Variants in CPNE5 observed in about 807,000 individuals in gnomAD.
The protein encoded by CPNE5 is copine 5, also known as copine-5.
Under a neutral mutation model 81.1 loss-of-function variants are expected in CPNE5, and 42 were observed. The observed-to-expected ratio is 0.52, with a 90% CI of 0.40 to 0.67. The LOEUF (loss-of-function observed/expected upper bound fraction) is 0.67, where lower values mean the gene tolerates loss of function less well. CPNE5 is among the 30% of genes least tolerant of loss of function. The pLI, the probability that CPNE5 is intolerant of heterozygous loss-of-function variation, is 0.00. For synonymous variants in CPNE5, 313 were observed against 321.5 expected (o/e 0.97, Z 0.28); for missense variants, 612 against 815.5 (o/e 0.75, Z 3.04).
chr6:36,812,941 T>A (rs1771228382), intron 3 of CPNE5, among the ~76,000 whole-genome samples: 2 of 152,210 alleles, frequency 1.3e-5, no homozygotes, highest in African/African-American at 4.8e-5. Context: ...GTCCACTCAT[T>A]CCTTTGTATC....
chr6:36,785,364 T>A (rs555253346), intron 8 of CPNE5, among the ~76,000 whole-genome samples: 38 of 152,222 alleles, frequency 2.5e-4, no homozygotes, highest in Admixed American at 9.2e-4. Flanking sequence ...ATCAAAAAAT[T>A]TTTTTTAATG....
At chr6:36,823,215 A>G (rs1772215229) in intron 1 of CPNE5, 117 bp from the exon 2 acceptor site, 2 of 764,674 alleles carry the variant, frequency 2.6e-6, no homozygotes, top group Non-Finnish European at 4.0e-6. Context: ...CAGGCAAAAC[A>G]GTTCCACAAT....
At chr6:36,806,883 T>C (rs1770644719) in intron 3 of CPNE5, among the ~76,000 whole-genome samples, 2 of 152,200 alleles carry the variant, frequency 1.3e-5, no homozygotes, top group African/African-American at 4.8e-5. Context: ...CTTAAGGGCT[T>C]CATTGGGGGC....
At chr6:36,755,781 A>C in intron 13 of CPNE5, 1 of 163,570 alleles carries the variant, frequency 6.1e-6, no homozygotes, top group Non-Finnish European at 1.3e-5. Context: ...CTCTGGAGTG[A>C]GATGTCATGT....
At chr6:36,765,691 T>A (rs1766500063) in intron 10 of CPNE5, among the ~76,000 whole-genome samples, 1 of 152,212 alleles carries the variant, frequency 6.6e-6, no homozygotes, top group Admixed American at 6.5e-5. Context: ...AAGCTCAGCA[T>A]GGAGCTGCAC....
intron 6 of CPNE5, among the ~76,000 whole-genome samples, chr6:36,797,003 C>T (rs1769643625): frequency 6.6e-6 from 1 of 152,160 alleles, no homozygotes; most frequent in Non-Finnish European, 1.5e-5. Context: ...CTCCTGGGTT[C>T]AAGTGATTCT....
At chr6:36,812,906 G>A (rs773501599) in intron 3 of CPNE5, among the ~76,000 whole-genome samples, 5 of 152,178 alleles carry the variant, frequency 3.3e-5, no homozygotes, top group Admixed American at 6.5e-5. Flanking sequence ...CCTGCCTTCC[G>A]CTTTGTGCCT....
chr6:36,774,684 G>A (rs1369153529), intron 10 of CPNE5, among the ~76,000 whole-genome samples: 1 of 152,242 alleles, frequency 6.6e-6, no homozygotes, highest in Non-Finnish European at 1.5e-5. Flanking sequence ...TTTCCCACCA[G>A]TGGGGATGCC....
rs755972321 is a variant in CPNE5, at chr6:36,811,197, G to T, written c.183+10917C>A. ...AGCCCCGGGTCTGACTGTAGAGGGTGGGGGGCCTGAGCAGTCCCCACCCTA... is the reference window on the plus strand; with the variant it reads ...AGCCCCGGGTCTGACTGTAGAGGGTTGGGGGCCTGAGCAGTCCCCACCCTA... On this transcript the variant is annotated intron_variant, in intron 3 of 20. Coordinates refer to ENST00000244751, the MANE Select transcript of CPNE5 (RefSeq NM_020939.2). Among the ~76,000 whole-genome samples, 8 of 152,196 alleles carry T rather than the reference G, an allele frequency of 5.3e-5. No homozygotes were observed. In the South Asian group the frequency reaches 8.3e-4, roughly 16 times the overall value.
intron 20 of CPNE5, chr6:36,743,078 A>C (rs1310811615): frequency 2.0e-6 from 2 of 985,116 alleles, no homozygotes; most frequent in Non-Finnish European, 2.4e-6. Flanking sequence ...TGGTCTCCAC[A>C]CCTGGGATAC....
chr6:36,807,455 G>A lies in CPNE5; in HGVS notation c.184-7385C>T, dbSNP rs543501482. Among the ~76,000 whole-genome samples, 11 of 152,268 alleles carry A rather than the reference G, an allele frequency of 7.2e-5. No homozygotes were observed. The East Asian group carries it at 1.9e-3, about 27-fold the overall frequency. ...TAGAAGAGAGCCTGGGACATAAAAC[G>A]TGCTCTGTACGTAAGTGATCCCACA... On this transcript the variant is annotated intron_variant, in intron 3 of 20. Coordinates refer to ENST00000244751, the MANE Select transcript of CPNE5 (RefSeq NM_020939.2).
At chr6:36,787,442 T>A (rs1020789649) in intron 8 of CPNE5, among the ~76,000 whole-genome samples, 1 of 151,964 alleles carries the variant, frequency 6.6e-6, no homozygotes, top group Non-Finnish European at 1.5e-5. Context: ...ATTCCCCAGG[T>A]AACTGGAAGG....
chr6:36,823,616 G>A (rs1246036571), intron 1 of CPNE5, among the ~76,000 whole-genome samples: 1 of 152,138 alleles, frequency 6.6e-6, no homozygotes, highest in East Asian at 1.9e-4. Context: ...TTTGGACAAG[G>A]TCCTTCTGTG....
At chr6:36,815,941 G>A (rs996471935) in intron 3 of CPNE5, among the ~76,000 whole-genome samples, 4 of 152,242 alleles carry the variant, frequency 2.6e-5, no homozygotes, top group Non-Finnish European at 5.9e-5. Flanking sequence ...CAAGACAGCT[G>A]CCTGGTGAGG....
chr6:36,812,022 T>C (rs981956097), intron 3 of CPNE5, among the ~76,000 whole-genome samples: 18 of 152,152 alleles, frequency 1.2e-4, no homozygotes, highest in African/African-American at 4.3e-4. Context: ...GAGAATTGCT[T>C]GGACCCAGGA....
intron 8 of CPNE5, among the ~76,000 whole-genome samples, chr6:36,780,205 C>T (rs942076053): frequency 7.9e-5 from 12 of 152,096 alleles, no homozygotes; most frequent in African/African-American, 1.2e-4. Flanking sequence ...CCTCATGATC[C>T]GCCCGCCTCA....
chr6:36,744,557 A>C, intron 18 of CPNE5: 1 of 578,090 alleles, frequency 1.7e-6, no homozygotes, highest in African/African-American at 1.9e-5. Flanking sequence ...GGCAGGGGGA[A>C]TGGGTCATAG....
intron 10 of CPNE5, among the ~76,000 whole-genome samples, chr6:36,774,563 C>T (rs999387901): frequency 6.6e-6 from 1 of 152,230 alleles, no homozygotes; most frequent in African/African-American, 2.4e-5. Flanking sequence ...TCTGCTCCTC[C>T]ACTGGGAACA....
chr6:36,814,755 CAG>C (rs968784832), intron 3 of CPNE5, among the ~76,000 whole-genome samples: 11 of 152,094 alleles, frequency 7.2e-5, no homozygotes, highest in Non-Finnish European at 1.5e-4. Context: ...GGACAGAAAA[CAG>C]TGATATGAAA....
Sources: allele counts gnomAD v4.1 joint callset (sites outside exome capture counted in the v4.1 genomes callset), GRCh38; gene constraint gnomAD v4.1.1; transcripts MANE v1.5; gene names NCBI Gene and HGNC (gene_info 2026-07-23, HGNC 2026-07-21).